The following PIGX variants were observed in gnomAD, a reference collection of about 807,000 sequenced individuals.
PIGX encodes GPI alpha-1,4-mannosyltransferase I, stabilizing subunit.
In PIGX, 24 loss-of-function variants were observed where a neutral mutation model predicts 28.7. That is an observed-to-expected ratio of 0.84 (90% CI 0.60 to 1.17). PIGX has a LOEUF of 1.17. Among genes scored for constraint, PIGX ranks in the 50% most tolerant of loss-of-function variants. The pLI, the probability that PIGX is intolerant of heterozygous loss-of-function variation, is 0.00. For missense variants in PIGX, 305 were observed against 317.8 expected (o/e 0.96, Z 0.31); for synonymous variants, 127 against 121.0 (o/e 1.05, Z -0.33).
rs1488557413 is a variant in PIGX at position 196,712,652 on chromosome 3, G to A, written c.112+8G>A. On this transcript the variant is annotated splice_region_variant and intron_variant, in intron 1 of 5. Coordinates refer to ENST00000392391, the MANE Select transcript of PIGX (RefSeq NM_017861.4). ...CCGCGCGCTCTGACGCCGGTAAGGGGGGCGGGGCTTGGGGGGCCAGAGCGT... is the reference window on the plus strand; with the variant it reads ...CCGCGCGCTCTGACGCCGGTAAGGGAGGCGGGGCTTGGGGGGCCAGAGCGT... The A allele has an allele frequency of 9.3e-6, 11 of 1,187,348 alleles. No homozygotes were observed. Among genetic ancestry groups the A allele is most frequent in the African/African-American group, 1.6e-5 (1 of 62,748 alleles). The allele number at this position is 1,187,348 out of a possible 1,614,324, so 73.6% of individuals were successfully genotyped here.
rs1397939354 is a variant in PIGX at position 196,733,569 on chromosome 3, A to T, written c.634-190A>T. On this transcript the variant is annotated intron_variant, in intron 5 of 5. Transcript: ENST00000392391. The surrounding 1 kb of genome is among the most constrained non-coding windows in gnomAD (Gnocchi z 4.3). ...TGGGACTACAGGCACCTGCCACCAC[A>T]CCTGGCTAATTTTTGTATTTTTAGT... is the stretch of plus-strand genomic sequence containing the variant. Among the ~76,000 whole-genome samples, 1 of 151,924 alleles carries T rather than the reference A, an allele frequency of 6.6e-6. No individual in the cohort carries two copies. Among genetic ancestry groups the T allele is most frequent in the Non-Finnish European group, 1.5e-5 (1 of 67,972 alleles).
intron 4 of PIGX, 50 bp downstream of exon 4, chr3:196,728,186 T>C (rs1712602339): frequency 6.9e-7 from 1 of 1,457,692 alleles, no homozygotes; most frequent in African/African-American, 1.4e-5. Flanking sequence ...AATAAAGGTA[T>C]GGTGGCAAGT....
intron 4 of PIGX, among the ~76,000 whole-genome samples, chr3:196,729,675 C>T (rs1479602164): frequency 6.6e-6 from 1 of 151,542 alleles, no homozygotes; most frequent in Non-Finnish European, 1.5e-5. Flanking sequence ...GCGTGAGCCA[C>T]AGCACCTGGC....
chr3:196,728,200 CCTT>C, intron 4 of PIGX, 64 bp downstream of exon 4: 1 of 1,343,136 alleles, frequency 7.4e-7, no homozygotes, highest in Non-Finnish European at 1.1e-6. Flanking sequence ...GGCAAGTCCT[CCTT>C]CTGCTAGGCT....
chr3:196,727,767 T>G (rs1712586893), intron 3 of PIGX, among the ~76,000 whole-genome samples, 156 bp from the exon 4 acceptor site: 1 of 152,164 alleles, frequency 6.6e-6, no homozygotes, highest in Non-Finnish European at 1.5e-5. Flanking sequence ...TGTGTTTTTC[T>G]CCTTAAAATT....
chr3:196,712,506 C>A lies in PIGX; in HGVS notation c.-27C>A. 1 of 1,103,432 alleles carries A rather than the reference C, an allele frequency of 9.1e-7. No individual in the cohort carries two copies. Among genetic ancestry groups the A allele is most frequent in the South Asian group, 4.4e-5 (1 of 22,616 alleles). The allele number at this position is 1,103,432 out of a possible 1,614,324, so 68.4% of individuals were successfully genotyped here. A position where few individuals can be genotyped will look rare whatever the true frequency, so the allele number is the denominator to read the frequency against. ...GCGTCCGCACCTGGCCCCGCGCGCCCCTCTCGGGCGTCCGGCTTCCGGCGT... is the reference window on the plus strand; with the variant it reads ...GCGTCCGCACCTGGCCCCGCGCGCCACTCTCGGGCGTCCGGCTTCCGGCGT... On this transcript the variant is annotated 5_prime_UTR_variant, in exon 1 of 6. Transcript: ENST00000392391.
At position 196,733,900 on chromosome 3, in the gene PIGX, T is replaced by A; in HGVS notation, c.775T>A (p.Ter259LysextTer5). 1 of 1,588,328 alleles carries A rather than the reference T, an allele frequency of 6.3e-7. No homozygotes were observed. The change falls in exon 6 of 6, where the codon TAA (stop) becomes AAA (lysine). Residue 259 changes from the stop codon to lysine, a stop_lost. Coordinates refer to ENST00000392391, the MANE Select transcript of PIGX (RefSeq NM_017861.4). This position sits in a 1 kb window ranked among gnomAD's most constrained non-coding sequence, Gnocchi z 4.3. Reference sequence around the variant, plus strand: ...TTTCAAATATGGCCATTTTTCCCTATAAGTTTTATGTAGTTAAATGCTTCC... The same window carrying A: ...TTTCAAATATGGCCATTTTTCCCTAAAAGTTTTATGTAGTTAAATGCTTCC...
chr3:196,724,094 T>C (rs1467929343), intron 3 of PIGX, among the ~76,000 whole-genome samples: 1 of 151,278 alleles, frequency 6.6e-6, no homozygotes, highest in Non-Finnish European at 1.5e-5. Flanking sequence ...CTTGGCTCAC[T>C]GAAACCTCTG....
chr3:196,724,585 C>T (rs1712450477), intron 3 of PIGX, among the ~76,000 whole-genome samples: 1 of 152,074 alleles, frequency 6.6e-6, no homozygotes, highest in Non-Finnish European at 1.5e-5. Flanking sequence ...GTAGAGAGTG[C>T]CATTATAGAT....
rs1712982575 is a variant in PIGX, at chr3:196,735,813, G to A, written c.*1911G>A. On this transcript the variant is annotated 3_prime_UTR_variant, in exon 6 of 6. Transcript: ENST00000392391. ...AACGTTTTGGAATATGGTTAGACGGGGAGGGAACACGGTACTGTTTAACAT... is the reference window on the plus strand; with the variant it reads ...AACGTTTTGGAATATGGTTAGACGGAGAGGGAACACGGTACTGTTTAACAT... The A allele has an allele frequency of 6.6e-6, 1 of 152,178 alleles. No individual in the cohort carries two copies. Among genetic ancestry groups the A allele is most frequent in the African/African-American group, 2.4e-5 (1 of 41,464 alleles). The allele number at this position is 152,178 out of a possible 1,614,324, so 9.4% of individuals were successfully genotyped here.
chr3:196,715,085 T>A (rs925090949), intron 1 of PIGX, among the ~76,000 whole-genome samples: 1 of 151,684 alleles, frequency 6.6e-6, no homozygotes, highest in African/African-American at 2.4e-5. Context: ...AAAAAATAAA[T>A]AAATAAATAA....
At position 196,716,918 on chromosome 3, in the gene PIGX, A is replaced by G; in HGVS notation, c.173A>G (p.His58Arg). Reference sequence around the variant, plus strand: ...CAAGAAGTTTTGAAAGATGGTTTCCACAGGTAAGTTGCCTGTTGATTTCTA... The same window carrying G: ...CAAGAAGTTTTGAAAGATGGTTTCCGCAGGTAAGTTGCCTGTTGATTTCTA... The change falls in exon 2 of 6, where the codon CAC (histidine) becomes CGC (arginine). Residue 58 changes from histidine to arginine, a missense_variant. Coordinates refer to ENST00000392391, the MANE Select transcript of PIGX (RefSeq NM_017861.4). 6.3e-7 allele frequency: 1 copy of G among 1,581,276 alleles called. No individual in the cohort carries two copies.
chr3:196,720,805 T>A (rs1362441052), intron 2 of PIGX, among the ~76,000 whole-genome samples: 1 of 152,114 alleles, frequency 6.6e-6, no homozygotes, highest in Non-Finnish European at 1.5e-5. Context: ...TTCTGTCATT[T>A]CTTGCAGTGA....
Position 196,733,558 on chromosome 3 carries a change from C to T in PIGX, c.634-201C>T, listed in dbSNP as rs1712896541. ...TCCCTAGTAGCTGGGACTACAGGCA[C>T]CTGCCACCACACCTGGCTAATTTTT... On this transcript the variant is annotated intron_variant, in intron 5 of 5. Coordinates refer to ENST00000392391, the MANE Select transcript of PIGX (RefSeq NM_017861.4). The surrounding 1 kb of genome is among the most constrained non-coding windows in gnomAD (Gnocchi z 4.3). 6.6e-6 allele frequency among the ~76,000 whole-genome samples: 1 copy of T among 152,068 alleles called. No individual in the cohort carries two copies. Among genetic ancestry groups the T allele is most frequent in the South Asian group, 2.1e-4 (1 of 4,820 alleles).
At position 196,712,532 on chromosome 3, in the gene PIGX, C is replaced by A; in HGVS notation, c.-1C>A. 8.6e-7 allele frequency: 1 copy of A among 1,166,962 alleles called. No individual in the cohort carries two copies. The highest frequency in any genetic ancestry group is 4.2e-5 in the South Asian group (1 of 23,760). The allele number at this position is 1,166,962 out of a possible 1,614,324, so 72.3% of individuals were successfully genotyped here. On this transcript the variant is annotated 5_prime_UTR_variant, in exon 1 of 6. Coordinates refer to ENST00000392391, the MANE Select transcript of PIGX (RefSeq NM_017861.4). ...CTCTCGGGCGTCCGGCTTCCGGCGT[C>A]CTGGCGGCTCGGGTGGCGGCGGTTC... is the stretch of plus-strand genomic sequence containing the variant.
At chr3:196,725,584 A>G (rs1375131646) in intron 3 of PIGX, among the ~76,000 whole-genome samples, 1 of 152,212 alleles carries the variant, frequency 6.6e-6, no homozygotes, top group African/African-American at 2.4e-5. Flanking sequence ...AGAGAACGTC[A>G]TAGAGGCAGA....
At chr3:196,727,255 A>G (rs1179244902) in intron 3 of PIGX, among the ~76,000 whole-genome samples, 1 of 152,232 alleles carries the variant, frequency 6.6e-6, no homozygotes, top group African/African-American at 2.4e-5. Flanking sequence ...ATATGTGGAT[A>G]TATGTGTAAT....
chr3:196,721,828 T>C (rs79991335), intron 2 of PIGX, among the ~76,000 whole-genome samples: 5,896 of 151,650 alleles, frequency 0.039, 239 homozygotes, highest in Admixed American at 0.098. Flanking sequence ...TCTTGGTTCA[T>C]TGCACCCTCC....
At chr3:196,718,530 TATG>T (rs1263147749) in intron 2 of PIGX, among the ~76,000 whole-genome samples, 8 of 152,232 alleles carry the variant, frequency 5.3e-5, no homozygotes, top group Admixed American at 3.3e-4. Context: ...ATTCTCTTAA[TATG>T]ATGAAGTACA....
Sources: gnomAD v4.1 joint callset for allele counts (sites outside exome capture counted in the v4.1 genomes callset) on GRCh38, gnomAD v4.1.1 for gene constraint, Gnocchi (gnomAD v3.1) non-coding constraint, MANE v1.5 for transcripts, NCBI Gene and HGNC (gene_info 2026-07-23, HGNC 2026-07-21) for gene names.